The following MAF variants were observed in gnomAD, a reference collection of about 807,000 sequenced individuals.
MAF encodes MAF bZIP transcription factor.
A neutral mutation model predicts 22.0 loss-of-function variants in MAF; 10 were observed. That is an observed-to-expected ratio of 0.45 (90% CI 0.28 to 0.77). MAF has a LOEUF of 0.77. Among genes scored for constraint, MAF ranks in the 30% least tolerant of loss-of-function variants. The pLI is 0.12. For missense variants in MAF, 544 were observed against 548.4 expected, an observed-to-expected ratio of 0.99 and a Z score of 0.08; for synonymous variants, 337 against 255.8, an observed-to-expected ratio of 1.32 and a Z score of -3.03.
chr16:79,398,787 T>C, the MAF span, among the ~76,000 whole-genome samples: 2 of 152,136 alleles, frequency 1.3e-5, no homozygotes, highest in Non-Finnish European at 2.9e-5. Flanking sequence ...TCTTACTCAT[T>C]TTTTGCACTT....
downstream of MAF, among the ~76,000 whole-genome samples, chr16:79,590,093 C>T (rs372993731): frequency 6.6e-6 from 1 of 152,188 alleles, no homozygotes; most frequent in Non-Finnish European, 1.5e-5. Context: ...CACACCCAGC[C>T]CCACGCAGCT....
chr16:79,289,987 G>A, the MAF span, among the ~76,000 whole-genome samples: 1 of 151,702 alleles, frequency 6.6e-6, no homozygotes, highest in Non-Finnish European at 1.5e-5. Flanking sequence ...CTCCTGAGTA[G>A]TTGGGACTAC....
At chr16:79,211,869 C>A in the MAF span, 1 of 1,595,642 alleles carries the variant, frequency 6.3e-7, no homozygotes, top group Non-Finnish European at 8.5e-7. Flanking sequence ...AGGGCTGGGC[C>A]CCTTCCAAAT....
chr16:79,378,224 C>T, the MAF span, among the ~76,000 whole-genome samples: 7 of 152,070 alleles, frequency 4.6e-5, no homozygotes, highest in African/African-American at 1.4e-4. Context: ...ACTGAAACAG[C>T]CCCCAAATGG....
At chr16:79,562,301 A>G in the MAF span, among the ~76,000 whole-genome samples, 1 of 152,218 alleles carries the variant, frequency 6.6e-6, no homozygotes, top group Non-Finnish European at 1.5e-5. Context: ...GACATGGACA[A>G]GGTTTGTTTT....
At chr16:79,415,001 T>C in the MAF span, among the ~76,000 whole-genome samples, 1 of 152,162 alleles carries the variant, frequency 6.6e-6, no homozygotes, top group Non-Finnish European at 1.5e-5. Flanking sequence ...AATGCTTCCA[T>C]CCAGAGTTGA....
the MAF span, among the ~76,000 whole-genome samples, chr16:79,270,411 G>A: frequency 6.6e-6 from 1 of 152,074 alleles, no homozygotes; most frequent in Non-Finnish European, 1.5e-5. Context: ...GTGGAGGAAG[G>A]AGAACAGATG....
At chr16:79,233,625 T>G in the MAF span, among the ~76,000 whole-genome samples, 1 of 151,854 alleles carries the variant, frequency 6.6e-6, no homozygotes, top group Admixed American at 6.6e-5. Flanking sequence ...CACTGGGAGG[T>G]GATGGGATAC....
the MAF span, among the ~76,000 whole-genome samples, chr16:79,316,269 C>G: frequency 1.3e-5 from 2 of 152,182 alleles, no homozygotes; most frequent in East Asian, 1.9e-4. Context: ...ATTGTACTGA[C>G]AAGCTCACCA....
the MAF span, among the ~76,000 whole-genome samples, chr16:79,220,001 A>G: frequency 6.6e-6 from 1 of 152,218 alleles, no homozygotes; most frequent in Non-Finnish European, 1.5e-5. Context: ...TTATTAAAAA[A>G]TTAAAATTCT....
chr16:79,561,274 G>A, the MAF span, among the ~76,000 whole-genome samples: 1 of 150,178 alleles, frequency 6.7e-6, no homozygotes, highest in Admixed American at 6.6e-5. Context: ...CCTTTATTAA[G>A]TGATAAAATT....
the MAF span, among the ~76,000 whole-genome samples, chr16:79,419,886 T>C: frequency 2.5e-4 from 38 of 151,026 alleles, no homozygotes; most frequent in African/African-American, 6.2e-4. Context: ...TGGTCATTCA[T>C]GATCCAAGGC....
At chr16:79,590,173 G>T (rs1015664072), downstream of MAF, among the ~76,000 whole-genome samples, 25 of 152,080 alleles carry the variant, frequency 1.6e-4, no homozygotes, top group African/African-American at 6.0e-4. Context: ...TAAAGGACTG[G>T]GATGCGGTGT....
the MAF span, among the ~76,000 whole-genome samples, chr16:79,563,506 C>CAA: frequency 7.9e-4 from 109 of 138,512 alleles, no homozygotes; most frequent in Non-Finnish European, 1.1e-3. Flanking sequence ...GACTTGGCAC[C>CAA]AAAAAAAAAA....
chr16:79,425,425 G>T, the MAF span, among the ~76,000 whole-genome samples: 6 of 152,156 alleles, frequency 3.9e-5, 1 homozygote, highest in African/African-American at 1.2e-4. Context: ...GGCACAATTT[G>T]TGGCCTAGGA....
chr16:79,385,698 C>T, the MAF span, among the ~76,000 whole-genome samples: 1 of 151,986 alleles, frequency 6.6e-6, no homozygotes, highest in Non-Finnish European at 1.5e-5. Flanking sequence ...GTCAGGAGTT[C>T]AAGATGAGCC....
chr16:79,455,522 C>T, the MAF span, among the ~76,000 whole-genome samples: 8,419 of 152,194 alleles, frequency 0.055, 321 homozygotes, highest in East Asian at 0.089. Context: ...CCTTCAACTC[C>T]TCTAGTCTTC....
chr16:79,310,536 G>A, the MAF span, among the ~76,000 whole-genome samples: 1 of 152,176 alleles, frequency 6.6e-6, no homozygotes, highest in African/African-American at 2.4e-5. Flanking sequence ...GTTCAGATGG[G>A]AGGACTGCTG....
the MAF span, among the ~76,000 whole-genome samples, chr16:79,333,211 C>G: frequency 2.6e-5 from 4 of 152,162 alleles, no homozygotes; most frequent in Non-Finnish European, 4.4e-5. Flanking sequence ...ACCAGAAGAA[C>G]TTTGCTGCTG....
Sources: allele counts gnomAD v4.1 joint callset (sites outside exome capture counted in the v4.1 genomes callset), GRCh38; gene constraint gnomAD v4.1.1; transcripts MANE v1.5; gene names NCBI Gene and HGNC (gene_info 2026-07-23, HGNC 2026-07-21).